Variants in NEURL1 observed in about 807,000 individuals in gnomAD.
NEURL1 encodes neuralized E3 ubiquitin protein ligase 1.
A neutral mutation model predicts 41.2 loss-of-function variants in NEURL1; 26 were observed. That is an observed-to-expected ratio of 0.63 (90% confidence interval 0.46 to 0.87). The LOEUF is 0.87. Among genes scored for constraint, NEURL1 ranks in the 40% least tolerant of loss-of-function variants. NEURL1 has a pLI of 0.00. For missense variants in NEURL1, 761 were observed against 871.1 expected, an observed-to-expected ratio of 0.87 and a Z score of 1.59; for synonymous variants, 400 against 402.3, an observed-to-expected ratio of 0.99 and a Z score of 0.07.
rs1427022819 is a variant in NEURL1, at chr10:103,545,844, G to T, written c.86-25028G>T. ...TTTCTCTTTTGGAGACGTGTGTGGTGCTGAAGCTCTGACCCCTAGTGTGGG... is the reference window on the plus strand; with the variant it reads ...TTTCTCTTTTGGAGACGTGTGTGGTTCTGAAGCTCTGACCCCTAGTGTGGG... On this transcript the variant is annotated intron_variant, in intron 1 of 5. Transcript: ENST00000369780. The surrounding 1 kb of genome is among the most constrained non-coding windows in gnomAD (Gnocchi z 4.5). Among the ~76,000 whole-genome samples, 1 of 152,172 alleles carries T rather than the reference G, an allele frequency of 6.6e-6. No homozygotes were observed. Among genetic ancestry groups the T allele is most frequent in the Non-Finnish European group, 1.5e-5 (1 of 68,028 alleles).
chr10:103,589,573 C>A lies in NEURL1; in HGVS notation c.1399C>A (p.Pro467Thr). 6.2e-7 allele frequency: 1 copy of A among 1,614,040 alleles called. No homozygotes were observed. The highest frequency in any genetic ancestry group is 8.5e-7 in the Non-Finnish European group (1 of 1,179,940). Reference sequence around the variant, plus strand: ...ACTCCCCTGCTCCCCTGCCTCCACGCCAACCTCGCCCAGTGCCCTGGGCAG... The same window carrying A: ...ACTCCCCTGCTCCCCTGCCTCCACGACAACCTCGCCCAGTGCCCTGGGCAG... ...PSLPCSPAST[P>T]TSPSALGSRL... Residue 467 changes from proline (P) to threonine (T), a missense_variant, in exon 5 of 6, where the codon CCA becomes ACA. Transcript: ENST00000369780.
chr10:103,526,169 T>C (rs1213222441), intron 1 of NEURL1, among the ~76,000 whole-genome samples: 2 of 150,666 alleles, frequency 1.3e-5, no homozygotes, highest in Non-Finnish European at 2.9e-5. Context: ...TGCTTCTATA[T>C]TTACCAGAGA....
At chr10:103,544,925 G>A (rs1478457855) in intron 1 of NEURL1, among the ~76,000 whole-genome samples, 2 of 152,218 alleles carry the variant, frequency 1.3e-5, no homozygotes, top group Non-Finnish European at 2.9e-5. Context: ...CTAAATTCCA[G>A]AGCCTCAGGG....
intron 1 of NEURL1, among the ~76,000 whole-genome samples, chr10:103,539,872 T>C (rs550580216): frequency 6.6e-6 from 1 of 152,316 alleles, no homozygotes; most frequent in East Asian, 1.9e-4. Context: ...ATATGTCCTT[T>C]GGTTTTGGTT....
Position 103,590,157 on chromosome 10 carries a change from A to T in NEURL1, c.1510A>T (p.Ser504Cys), listed in dbSNP as rs1167586552. The change falls in exon 6 of 6, where the codon AGC becomes TGC. Residue 504 changes from serine to cysteine, a missense_variant. This residue lies in a region of NEURL1 where 443 missense variants were observed against 408.1 expected (regional missense o/e 1.09). Coordinates refer to ENST00000369780, the MANE Select transcript of NEURL1 (RefSeq NM_004210.5). ...AGGGACAGCCCCCAATTCGCCAGTG[A>T]GCCTGCCCGAGTCGCCAGTGACCCC... Reference protein sequence around the residue: ...AGGTAPNSPVSLPESPVTPGL... With the variant: ...AGGTAPNSPVCLPESPVTPGL... 1.9e-6 allele frequency: 3 copies of T among 1,614,014 alleles called. No homozygotes were observed. Among genetic ancestry groups the T allele is most frequent in the Non-Finnish European group, 2.5e-6 (3 of 1,180,020 alleles).
At chr10:103,509,880 A>T (rs930697245) in intron 1 of NEURL1, among the ~76,000 whole-genome samples, 1 of 152,152 alleles carries the variant, frequency 6.6e-6, no homozygotes, top group Admixed American at 6.5e-5. Flanking sequence ...TGAGGGTTCC[A>T]TTCCTGGAGG....
chr10:103,516,916 A>G (rs1336707649), intron 1 of NEURL1, among the ~76,000 whole-genome samples: 2 of 128,040 alleles, frequency 1.6e-5, no homozygotes, highest in African/African-American at 6.0e-5. Context: ...CCTTCTTTGG[A>G]AGAAAAACCT....
intron 1 of NEURL1, among the ~76,000 whole-genome samples, chr10:103,547,310 C>T (rs1025019713): frequency 6.6e-6 from 1 of 152,264 alleles, no homozygotes. Context: ...GATCCAGCTG[C>T]CAGTGGCCAT....
chr10:103,571,860 C>A lies in NEURL1; in HGVS notation c.649+38C>A, dbSNP rs1343360730. 3 of 1,543,040 alleles carry A rather than the reference C, an allele frequency of 1.9e-6. No individual in the cohort carries two copies. The South Asian group carries it at 3.7e-5, about 19-fold the overall frequency. On this transcript the variant is annotated intron_variant, in intron 3 of 5. Coordinates refer to ENST00000369780, the MANE Select transcript of NEURL1 (RefSeq NM_004210.5). Reference sequence around the variant, plus strand: ...CCCTCCGGCCCCTTGGTGCAGGGGACACCCCTCAGCCTCTGGGCACTGCAG... The same window carrying A: ...CCCTCCGGCCCCTTGGTGCAGGGGAAACCCCTCAGCCTCTGGGCACTGCAG...
intron 1 of NEURL1, among the ~76,000 whole-genome samples, chr10:103,513,032 C>T (rs577052033): frequency 1.3e-5 from 2 of 152,228 alleles, no homozygotes; most frequent in South Asian, 2.1e-4. Flanking sequence ...CCCACCTCTA[C>T]GACATAAAGG....
At chr10:103,577,617 A>T (rs1259548715) in intron 3 of NEURL1, 1 of 152,248 alleles carries the variant, frequency 6.6e-6, no homozygotes, top group Non-Finnish European at 1.5e-5. Flanking sequence ...GATACCCGAC[A>T]AGAGCGGGGA....
At chr10:103,581,295 G>A (rs2035779520) in intron 3 of NEURL1, among the ~76,000 whole-genome samples, 1 of 152,326 alleles carries the variant, frequency 6.6e-6, no homozygotes, top group Non-Finnish European at 1.5e-5. Context: ...CAAAGCCCAT[G>A]CACTTTCTTC....
At chr10:103,574,670 C>T (rs74154548) in intron 3 of NEURL1, among the ~76,000 whole-genome samples, 4,303 of 152,254 alleles carry the variant, frequency 0.028, 69 homozygotes, top group African/African-American at 0.049. Flanking sequence ...AAGTGGAACA[C>T]GACAGACGGG....
intron 1 of NEURL1, among the ~76,000 whole-genome samples, chr10:103,498,815 G>C (rs1277663433): frequency 6.6e-6 from 1 of 152,118 alleles, no homozygotes; most frequent in Non-Finnish European, 1.5e-5. Context: ...TGTGTCAAGC[G>C]TCTTTTACTT....
chr10:103,502,761 G>C (rs2033853260), intron 1 of NEURL1, among the ~76,000 whole-genome samples: 1 of 152,222 alleles, frequency 6.6e-6, no homozygotes, highest in African/African-American at 2.4e-5. Context: ...AAGAAAAGGA[G>C]GAAGAGTGAG....
chr10:103,555,254 C>T, intron 1 of NEURL1: 4 of 1,036,452 alleles, frequency 3.9e-6, no homozygotes, highest in Admixed American at 4.5e-5. Context: ...GGGGCCTCGG[C>T]CCTGCCATGC....
chr10:103,528,607 CA>C (rs1423158697), intron 1 of NEURL1, among the ~76,000 whole-genome samples: 6 of 151,466 alleles, frequency 4.0e-5, no homozygotes, highest in Non-Finnish European at 7.4e-5. Flanking sequence ...TGACTTCTGA[CA>C]AAAGGTGATA....
At chr10:103,568,302 C>T (rs2035467601) in intron 1 of NEURL1, among the ~76,000 whole-genome samples, 1 of 152,208 alleles carries the variant, frequency 6.6e-6, no homozygotes, top group African/African-American at 2.4e-5. Context: ...TGGGGAATGT[C>T]CTTCCAGGAG....
Position 103,558,003 on chromosome 10 carries a change from C to G in NEURL1, c.86-12869C>G, listed in dbSNP as rs1202575862. The G allele has an allele frequency of 6.2e-6, 1 of 161,608 alleles. No individual in the cohort carries two copies. The highest frequency in any genetic ancestry group is 2.4e-5 in the African/African-American group (1 of 41,570). 10.0% of individuals were successfully genotyped at this position (161,608 alleles called of 1,614,324 possible). On this transcript the variant is annotated intron_variant, in intron 1 of 5. Transcript: ENST00000369780. The surrounding 1 kb of genome is among the most constrained non-coding windows in gnomAD (Gnocchi z 4.2). ...CAAGCAATTCTCTGCCTCAGCCTCC[C>G]GAGTAGCTGGGATCACAGGCACCCA...
Sources: allele counts gnomAD v4.1 joint callset (sites outside exome capture counted in the v4.1 genomes callset), GRCh38; gene constraint gnomAD v4.1.1; regional missense constraint gnomAD v4.1.1; non-coding constraint Gnocchi (gnomAD v3.1); transcripts MANE v1.5; gene names NCBI Gene and HGNC (gene_info 2026-07-23, HGNC 2026-07-21).